DST: variants seen among roughly 807,000 people sequenced by gnomAD.
DST encodes dystonin.
A neutral mutation model predicts 875.2 loss-of-function variants in DST; 253 were observed. The ratio of observed to expected loss-of-function variants is 0.29; its 90% CI spans 0.26 to 0.32. DST has a LOEUF of 0.32. DST is among the 10% of genes least tolerant of loss of function. DST has a pLI of 1.00. For synonymous variants in DST, 3,124 were observed against 3,197.1 expected (o/e 0.98, Z 0.77); for missense variants, 8,287 against 9,111.6 (o/e 0.91, Z 3.68).
chr6:56,893,280 C>T (rs1788514796), intron 3 of DST, among the ~76,000 whole-genome samples: 1 of 152,214 alleles, frequency 6.6e-6, no homozygotes. Flanking sequence ...TGAGTTACTT[C>T]ACTTAGAATA....
chr6:56,480,550 T>C (rs2095366749), intron 90 of DST, among the ~76,000 whole-genome samples: 1 of 152,232 alleles, frequency 6.6e-6, no homozygotes, highest in Non-Finnish European at 1.5e-5. Context: ...AGTTCTGGTG[T>C]TAAGAAATTA....
chr6:56,635,801 T>C, intron 23 of DST, 87 bp from the exon 24 acceptor site: 1 of 1,377,246 alleles, frequency 7.3e-7, no homozygotes, highest in Non-Finnish European at 1.0e-6. Context: ...AGGTCCTATG[T>C]GTACCCCTCA....
Position 56,604,300 on chromosome 6 carries a change from T to C in DST, c.10328A>G (p.Glu3443Gly), listed in dbSNP as rs768850395. Residue 3443 changes from glutamate (E) to glycine (G), a missense_variant, in exon 40 of 104, where the codon GAG becomes GGG. This residue lies in a region of DST where 3,138 missense variants were observed against 3,116.6 expected (regional missense o/e 1.01). Coordinates refer to ENST00000680361, the MANE Select transcript of DST (RefSeq NM_001374736.1). ...DPFCIGNLKS[E>G]LLLNILKQDQ... ...TTGCTTCAATATATTAAGGAGAAGC[T>C]CAGACTTAAGATTTCCAATACAGAA... 1.2e-6 allele frequency: 2 copies of C among 1,612,354 alleles called. No individual in the cohort carries two copies. Among genetic ancestry groups the C allele is most frequent in the Non-Finnish European group, 1.7e-6 (2 of 1,179,060 alleles).
At chr6:56,616,908 G>T in intron 36 of DST, 2 of 1,610,072 alleles carry the variant, frequency 1.2e-6, no homozygotes, top group Non-Finnish European at 1.7e-6. Flanking sequence ...GAATATGTCT[G>T]ACCTGAAATG....
Position 56,476,213 on chromosome 6 carries a change from T to C in DST, c.21800A>G (p.Asp7267Gly), listed in dbSNP as rs752511328. 1.9e-6 allele frequency: 3 copies of C among 1,612,968 alleles called. No individual in the cohort carries two copies. Among genetic ancestry groups the C allele is most frequent in the South Asian group, 1.1e-5 (1 of 90,752 alleles). ...CTGGGGGATGACTTCTTTATCCTTA[T>C]CAGTAAGTGTAGTTTCAGCCCATTG... is the stretch of plus-strand genomic sequence containing the variant. ...WLQWAETTLT[D>G]KDKEVIPQEI... is the part of the protein sequence containing the mutation. The change falls in exon 92 of 104, where the codon GAT (aspartate) becomes GGT (glycine). Residue 7267 changes from aspartate (D) to glycine (G), a missense_variant. Physicochemically the swap from Asp to Gly is moderately conservative, Grantham distance 94. This residue lies in a region of DST where 1,292 missense variants were observed against 1,552.7 expected (regional missense o/e 0.83). Coordinates refer to ENST00000680361, the MANE Select transcript of DST (RefSeq NM_001374736.1).
intron 9 of DST, among the ~76,000 whole-genome samples, chr6:56,696,404 C>T (rs964381664): frequency 2.0e-5 from 3 of 152,108 alleles, no homozygotes; most frequent in Non-Finnish European, 4.4e-5. Flanking sequence ...TCAGGTGATC[C>T]ACCTGCCTCG....
intron 69 of DST, among the ~76,000 whole-genome samples, chr6:56,521,360 A>T (rs2096698049): frequency 6.6e-6 from 1 of 151,924 alleles, no homozygotes; most frequent in African/African-American, 2.4e-5. Context: ...AAAAAAAAAT[A>T]AAGTAATACC....
rs113059624 is a variant in DST at position 56,491,015 on chromosome 6, C to T, written c.20757+1212G>A. On this transcript the variant is annotated intron_variant, in intron 85 of 103. Transcript: ENST00000680361. ...CATTTATAAACTGATGTTCATAACT[C>T]AAGAAATGCCGGCACTACACATGTT... Among the ~76,000 whole-genome samples the T allele has an allele frequency of 2.6e-3, 401 of 152,232 alleles. 2 individuals carry two copies. Among genetic ancestry groups the T allele is most frequent in the African/African-American group, 9.4e-3 (389 of 41,548 alleles).
At position 56,555,399 on chromosome 6, in the gene DST, T is replaced by C; in HGVS notation, c.15082A>G (p.Ser5028Gly). 1 of 1,611,532 alleles carries C rather than the reference T, an allele frequency of 6.2e-7. No individual in the cohort carries two copies. The highest frequency in any genetic ancestry group is 8.5e-7 in the Non-Finnish European group (1 of 1,178,400). The change falls in exon 60 of 104, where the codon AGT (serine) becomes GGT (glycine). Residue 5028 changes from serine to glycine, a missense_variant. Transcript: ENST00000680361. The part of the protein sequence containing the change: ...VKEEYLKAEL[S>G]RQLEGILKSF... ...TTTAAGATGCCTTCTAGTTGCCTAC[T>C]AAGTTCTGCTTTCAAGTACTCTTCT...
At chr6:56,514,222 A>G (rs1243660520) in intron 72 of DST, among the ~76,000 whole-genome samples, 1 of 152,244 alleles carries the variant, frequency 6.6e-6, no homozygotes, top group African/African-American at 2.4e-5. Context: ...ATAGAAATCC[A>G]TGAAACATTT....
intron 22 of DST, among the ~76,000 whole-genome samples, chr6:56,637,079 ACCTC>A (rs1407063979): frequency 6.6e-6 from 1 of 151,460 alleles, no homozygotes; most frequent in Admixed American, 6.6e-5. Flanking sequence ...GTGAAACTCC[ACCTC>A]AAAAAACAAA....
chr6:56,788,948 G>T (rs1324859428), intron 4 of DST, among the ~76,000 whole-genome samples: 1 of 152,144 alleles, frequency 6.6e-6, no homozygotes, highest in African/African-American at 2.4e-5. Context: ...TCTGTACCTT[G>T]TCCTGCAGAA....
At chr6:56,475,431 AC>A in intron 92 of DST, among the ~76,000 whole-genome samples, 1 of 145,682 alleles carries the variant, frequency 6.9e-6, no homozygotes, top group South Asian at 2.2e-4. Context: ...ACACACACAC[AC>A]ACAAAATAAT....
At chr6:56,783,940 C>T (rs900384051) in intron 4 of DST, among the ~76,000 whole-genome samples, 16 of 152,100 alleles carry the variant, frequency 1.1e-4, no homozygotes, top group African/African-American at 3.9e-4. Context: ...AATCTCTCAG[C>T]ATTTGCTTGT....
intron 80 of DST, among the ~76,000 whole-genome samples, chr6:56,498,745 T>C (rs992099395): frequency 2.2e-4 from 34 of 152,144 alleles, no homozygotes; most frequent in African/African-American, 7.5e-4. Context: ...TTCCAGAATA[T>C]TCCTTTATCT....
At chr6:56,852,763 G>A (rs993502520) in intron 3 of DST, among the ~76,000 whole-genome samples, 2 of 152,172 alleles carry the variant, frequency 1.3e-5, no homozygotes, top group Admixed American at 6.5e-5. Flanking sequence ...GGTATAACTC[G>A]AATTCCTGAA....
chr6:56,580,297 C>T (rs893835475), intron 49 of DST, among the ~76,000 whole-genome samples: 19 of 152,046 alleles, frequency 1.2e-4, no homozygotes, highest in African/African-American at 2.4e-4. Context: ...GTAATCCCAA[C>T]GCTTTTTGGG....
At position 56,627,892 on chromosome 6, in the gene DST, C is replaced by T. The variant is rs760603714; in HGVS notation, c.4638+107G>A. 4.3e-5 allele frequency: 45 copies of T among 1,043,568 alleles called. 1 individual carries two copies. The Middle Eastern group carries it at 8.3e-4, about 19-fold the overall frequency. 64.6% of individuals were successfully genotyped at this position (1,043,568 alleles called of 1,614,324 possible). On this transcript the variant is annotated intron_variant, in intron 33 of 103. Transcript: ENST00000680361. Reference sequence around the variant, plus strand: ...ATATTTTTTATATACTCTCCACCTTCCTCTAAAGAGTTGGTGACTTTTTCA... The same window carrying T: ...ATATTTTTTATATACTCTCCACCTTTCTCTAAAGAGTTGGTGACTTTTTCA...
intron 5 of DST, among the ~76,000 whole-genome samples, chr6:56,712,040 G>A (rs1042478499): frequency 1.4e-5 from 2 of 142,246 alleles, no homozygotes; most frequent in African/African-American, 5.2e-5. Context: ...GCAGTGAGCC[G>A]AGATCCCGCC....
Sources: allele counts gnomAD v4.1 joint callset (sites outside exome capture counted in the v4.1 genomes callset), GRCh38; gene constraint gnomAD v4.1.1; regional missense constraint gnomAD v4.1.1; transcripts MANE v1.5; gene names NCBI Gene and HGNC (gene_info 2026-07-23, HGNC 2026-07-21).